KIF13B: variants seen among roughly 807,000 people sequenced by gnomAD.
The protein encoded by KIF13B is kinesin-like protein KIF13B.
Under a neutral mutation model 222.0 loss-of-function variants are expected in KIF13B, and 127 were observed. The observed-to-expected ratio is 0.57, with a 90% CI of 0.50 to 0.66. The LOEUF (loss-of-function observed/expected upper bound fraction) is 0.66, where lower values mean the gene tolerates loss of function less well. Ranked by LOEUF, KIF13B falls within the 30% of genes least tolerant of loss-of-function variation. The probability of loss-of-function intolerance (pLI) is 0.00; values close to 1 mark genes in which losing one functional copy is unlikely to be tolerated. For synonymous variants in KIF13B, 976 were observed against 919.0 expected, an observed-to-expected ratio of 1.06 and a Z score of -1.12; for missense variants, 2,173 against 2,379.0, an observed-to-expected ratio of 0.91 and a Z score of 1.80.
chr8:29,203,772 T>C (rs557158256), intron 2 of KIF13B, among the ~76,000 whole-genome samples: 1 of 150,802 alleles, frequency 6.6e-6, no homozygotes, highest in South Asian at 2.1e-4. Context: ...TGCATGCCTG[T>C]AATCCCAGCT....
chr8:29,196,177 A>G lies in KIF13B; in HGVS notation c.162+10T>C, dbSNP rs1158110665. 1 of 1,569,278 alleles carries G rather than the reference A, an allele frequency of 6.4e-7. No homozygotes were observed. The highest frequency in any genetic ancestry group is 8.7e-7 in the Non-Finnish European group (1 of 1,155,742). On this transcript the variant is annotated intron_variant, in intron 3 of 39. Coordinates refer to ENST00000524189, the MANE Select transcript of KIF13B (RefSeq NM_015254.4). ...TTTACAAGCATCACATAACAAACCA[A>G]ATCTCTTACCTTCGGCTGGCCCCTG...
At chr8:29,224,830 T>C (rs1814947437) in intron 2 of KIF13B, among the ~76,000 whole-genome samples, 1 of 152,212 alleles carries the variant, frequency 6.6e-6, no homozygotes, top group Non-Finnish European at 1.5e-5. Context: ...AATGCCTGCA[T>C]CTATATCACT....
In KIF13B at chr8:29,245,589, G is replaced by A. The variant is rs371143052; in HGVS notation, c.56-150C>T. On this transcript the variant is annotated intron_variant, in intron 1 of 39. Transcript: ENST00000524189. ...AAAAAAAACTTCCTCCACTTGATAA[G>A]GAGCACCAACAAAAACCCACAGCTA... The A allele has an allele frequency of 3.3e-5, 20 of 605,476 alleles. No individual in the cohort carries two copies. In the East Asian group the frequency reaches 5.8e-4, roughly 17 times the overall value. 37.5% of individuals were successfully genotyped at this position (605,476 alleles called of 1,614,324 possible).
chr8:29,073,558 T>C (rs1398500505), intron 38 of KIF13B, among the ~76,000 whole-genome samples: 2 of 152,194 alleles, frequency 1.3e-5, no homozygotes, highest in Admixed American at 1.3e-4. Flanking sequence ...GGAATGAGAT[T>C]GGTGGGGTGG....
intron 18 of KIF13B, among the ~76,000 whole-genome samples, chr8:29,142,967 C>T (rs1810885790): frequency 6.6e-6 from 1 of 152,164 alleles, no homozygotes; most frequent in Non-Finnish European, 1.5e-5. Context: ...ATACTCCTGC[C>T]TCAGCCTCCC....
chr8:29,108,082 G>A lies in KIF13B; in HGVS notation c.4215+57C>T, dbSNP rs1809176604. 2.9e-5 allele frequency: 42 copies of A among 1,442,786 alleles called. No individual in the cohort carries two copies. The South Asian group carries it at 3.9e-4, about 13-fold the overall frequency. The allele number at this position is 1,442,786 out of a possible 1,614,324, so 89.4% of individuals were successfully genotyped here. ...AAAATAACCTGAGATTTGAGAAGAT[G>A]AAAGCTGAATGGGAAATGGGACTTA... is the stretch of plus-strand genomic sequence containing the variant. On this transcript the variant is annotated intron_variant, in intron 35 of 39. Transcript: ENST00000524189.
chr8:29,077,119 G>A (rs1586744748), intron 37 of KIF13B, among the ~76,000 whole-genome samples: 1 of 152,200 alleles, frequency 6.6e-6, no homozygotes, highest in African/African-American at 2.4e-5. Context: ...GATTATGTGA[G>A]CAGCCAATGG....
chr8:29,182,780 G>A (rs922235129), intron 6 of KIF13B, among the ~76,000 whole-genome samples: 1 of 151,938 alleles, frequency 6.6e-6, no homozygotes, highest in Non-Finnish European at 1.5e-5. Flanking sequence ...TTTCTGTTAG[G>A]AGGAGTAAGT....
At chr8:29,250,979 C>G (rs1157272390) in intron 1 of KIF13B, among the ~76,000 whole-genome samples, 2 of 151,978 alleles carry the variant, frequency 1.3e-5, no homozygotes, top group Admixed American at 1.3e-4. Flanking sequence ...GGTGAAACCC[C>G]ATCTCTACAA....
chr8:29,248,645 G>A (rs76037069), intron 1 of KIF13B, among the ~76,000 whole-genome samples: 2 of 152,138 alleles, frequency 1.3e-5, no homozygotes, highest in Non-Finnish European at 2.9e-5. Context: ...CTCCCACTGG[G>A]TCCCTCCCAC....
At chr8:29,090,175 C>T (rs939804773) in intron 37 of KIF13B, among the ~76,000 whole-genome samples, 2 of 152,080 alleles carry the variant, frequency 1.3e-5, no homozygotes, top group East Asian at 1.9e-4. Flanking sequence ...GATTCAAGGC[C>T]GGGGTACAGG....
intron 36 of KIF13B, among the ~76,000 whole-genome samples, chr8:29,093,498 A>G (rs1355278417): frequency 2.0e-5 from 3 of 152,182 alleles, no homozygotes; most frequent in African/African-American, 7.2e-5. Context: ...TCTTCCCCCT[A>G]TTAATTTATA....
Position 29,093,882 on chromosome 8 carries a change from C to T in KIF13B, c.4325-1004G>A, listed in dbSNP as rs188353792. On this transcript the variant is annotated intron_variant, in intron 36 of 39. Coordinates refer to ENST00000524189, the MANE Select transcript of KIF13B (RefSeq NM_015254.4). ...CAGTTTAGAAAAGTCCAATTATTTA[C>T]AGCAAGACAAAAACAAGGATGAGAA... Among the ~76,000 whole-genome samples the T allele has an allele frequency of 4.6e-5, 7 of 151,904 alleles. No individual in the cohort carries two copies. The East Asian group carries it at 1.2e-3, about 25-fold the overall frequency.
chr8:29,152,667 A>G (rs1043363725), intron 14 of KIF13B, among the ~76,000 whole-genome samples: 4 of 152,126 alleles, frequency 2.6e-5, no homozygotes, highest in Non-Finnish European at 5.9e-5. Flanking sequence ...GCTGGGGTGT[A>G]GTGGTGTAAT....
intron 11 of KIF13B, among the ~76,000 whole-genome samples, chr8:29,167,098 A>G (rs575111498): frequency 6.6e-6 from 1 of 152,108 alleles, no homozygotes; most frequent in African/African-American, 2.4e-5. Context: ...ATTCTATTAT[A>G]CCTCTCTCTT....
intron 37 of KIF13B, among the ~76,000 whole-genome samples, chr8:29,079,213 C>T (rs1001227889): frequency 2.6e-5 from 4 of 152,186 alleles, no homozygotes; most frequent in African/African-American, 4.8e-5. Context: ...ACCTTCCTCA[C>T]GCCACTCCGC....
intron 2 of KIF13B, among the ~76,000 whole-genome samples, chr8:29,244,423 T>C (rs1815930428): frequency 1.5e-5 from 2 of 135,560 alleles, no homozygotes; most frequent in South Asian, 2.3e-4. Context: ...CAAAGCCTCA[T>C]GCCAAATGTC....
At chr8:29,248,574 G>A (rs992733683) in intron 1 of KIF13B, among the ~76,000 whole-genome samples, 3 of 152,126 alleles carry the variant, frequency 2.0e-5, no homozygotes, top group South Asian at 2.1e-4. Context: ...AGCAGATCTC[G>A]TGAGACTTAT....
rs1349956035 is a variant in KIF13B at position 29,072,293 on chromosome 8, G to A, written c.4545C>T (p.Asp1515=). The change falls in exon 39 of 40, where the codon GAC becomes GAT. Residue 1515 remains aspartate (D), a synonymous_variant. Coordinates refer to ENST00000524189, the MANE Select transcript of KIF13B (RefSeq NM_015254.4). ...GGGCCCCCATCGTCTGCACCAGCAC[G>A]TCAGGGCCCATCTCCGGCTGAGCCT... ...MEEAQPEMGP[D]VLVQTMGAPA... is the part of the protein sequence containing the mutation. 4.9e-6 allele frequency: 7 copies of A among 1,438,684 alleles called. No homozygotes were observed. Among genetic ancestry groups the A allele is most frequent in the Admixed American group, 2.8e-5 (1 of 35,924 alleles). 89.1% of individuals were successfully genotyped at this position (1,438,684 alleles called of 1,614,324 possible).
Sources: gnomAD v4.1 joint callset for allele counts (sites outside exome capture counted in the v4.1 genomes callset) on GRCh38, gnomAD v4.1.1 for gene constraint, MANE v1.5 for transcripts, NCBI Gene and HGNC (gene_info 2026-07-23, HGNC 2026-07-21) for gene names.